RBL2: variants seen among roughly 807,000 people sequenced by gnomAD.
RBL2 encodes the protein retinoblastoma-like protein 2.
In RBL2, 56 loss-of-function variants were observed where a neutral mutation model predicts 126.0. That is an observed-to-expected ratio of 0.44 (90% CI 0.36 to 0.56). RBL2 has a LOEUF of 0.56. Ranked by LOEUF, RBL2 falls within the 20% of genes least tolerant of loss-of-function variation. The probability of loss-of-function intolerance (pLI) is 0.00; values close to 1 mark genes in which losing one functional copy is unlikely to be tolerated. For synonymous variants in RBL2, 454 were observed against 478.5 expected (o/e 0.95, Z 0.67); for missense variants, 1,229 against 1,398.2 (o/e 0.88, Z 1.93).
chr16:53,440,457 A>G (rs1238501423), intron 2 of RBL2, among the ~76,000 whole-genome samples: 1 of 152,214 alleles, frequency 6.6e-6, no homozygotes. Flanking sequence ...ATGAATAAAG[A>G]ACATGACTTC....
intron 2 of RBL2, among the ~76,000 whole-genome samples, chr16:53,439,954 CAAAAAAAAAAA>C (rs10591959): frequency 8.7e-5 from 8 of 91,936 alleles, no homozygotes; most frequent in South Asian, 3.6e-4. Context: ...ACCTTGTCTC[CAAAAAAAAAAA>C]AAAAAAAAAA....
At position 53,479,978 on chromosome 16, in the gene RBL2, A is replaced by G. The variant is rs1960879919; in HGVS notation, c.2868A>G (p.Leu956=). 2 of 1,597,676 alleles carry G rather than the reference A, an allele frequency of 1.3e-6. No homozygotes were observed. Among genetic ancestry groups the G allele is most frequent in the Non-Finnish European group, 1.7e-6 (2 of 1,169,876 alleles). ...SRSHQNSPTE[L]NKDRTSRDSS... ...GCCATCAGAATTCTCCAACAGAACT[A>G]AACAAAGATAGAAGTAAGTGGGATC... is the stretch of plus-strand genomic sequence containing the variant. The change falls in exon 19 of 22, where the codon CTA becomes CTG. Residue 956 remains leucine (L), a synonymous_variant. Transcript: ENST00000262133.
intron 20 of RBL2, chr16:53,481,451 GA>G (rs1960942300): frequency 2.2e-6 from 1 of 458,356 alleles, no homozygotes; most frequent in South Asian, 3.3e-5. Flanking sequence ...AGGATGAAAT[GA>G]CATAATGTAT....
In RBL2 at chr16:53,479,868, C is replaced by G; in HGVS notation, c.2776-18C>G. The G allele has an allele frequency of 1.3e-6, 2 of 1,518,026 alleles. No individual in the cohort carries two copies. The highest frequency in any genetic ancestry group is 1.9e-5 in the Admixed American group (1 of 53,608). The allele number at this position is 1,518,026 out of a possible 1,614,324, so 94.0% of individuals were successfully genotyped here. Reference sequence around the variant, plus strand: ...AACAAATACTAGTTTATGTCCCCTTCTCATTGTTTCTCTAAAGGTGTATAG... The same window carrying G: ...AACAAATACTAGTTTATGTCCCCTTGTCATTGTTTCTCTAAAGGTGTATAG... On this transcript the variant is annotated intron_variant, in intron 18 of 21. Coordinates refer to ENST00000262133, the MANE Select transcript of RBL2 (RefSeq NM_005611.4).
intron 1 of RBL2, chr16:53,435,516 A>C: frequency 8.7e-7 from 1 of 1,143,078 alleles, no homozygotes; most frequent in South Asian, 1.6e-5. Context: ...GCCTTCGGAC[A>C]GGGCTTGCAG....
intron 1 of RBL2, chr16:53,435,588 G>A (rs2153136844): frequency 8.0e-7 from 1 of 1,249,928 alleles, no homozygotes. Context: ...CCCTTCATGG[G>A]CCAATGGGAA....
chr16:53,467,543 A>G (rs1247856655), intron 14 of RBL2, among the ~76,000 whole-genome samples: 1 of 152,070 alleles, frequency 6.6e-6, no homozygotes, highest in Non-Finnish European at 1.5e-5. Context: ...ATGCGCCACC[A>G]CGCCTAGCTA....
intron 1 of RBL2, among the ~76,000 whole-genome samples, chr16:53,436,550 T>C (rs1051626175): frequency 5.9e-5 from 9 of 152,230 alleles, no homozygotes; most frequent in Non-Finnish European, 7.3e-5. Context: ...CCTGCTCTTG[T>C]GGGGCTTACA....
At chr16:53,448,240 C>T (rs768646945) in intron 4 of RBL2, among the ~76,000 whole-genome samples, 54 of 151,776 alleles carry the variant, frequency 3.6e-4, no homozygotes, top group Non-Finnish European at 7.4e-4. Flanking sequence ...CCACTGCAAC[C>T]TCTGCTGCCC....
intron 14 of RBL2, among the ~76,000 whole-genome samples, chr16:53,469,211 TAGAGTAAGACTCTGTCTC>T: frequency 6.6e-6 from 1 of 152,230 alleles, no homozygotes; most frequent in South Asian, 2.1e-4. Flanking sequence ...GCCTGGGTGA[TAGAGTAAGACTCTGTCTC>T]AAAAAATAAA....
At chr16:53,462,425 A>G in intron 10 of RBL2, 127 bp from the exon 11 acceptor site, 3 of 537,384 alleles carry the variant, frequency 5.6e-6, no homozygotes, top group Non-Finnish European at 9.8e-6. Flanking sequence ...ACCAATCATA[A>G]GAAGTGTGCA....
At position 53,469,997 on chromosome 16, in the gene RBL2, A is replaced by C. The variant is rs1360479482; in HGVS notation, c.2057A>C (p.Asn686Thr). The C allele has an allele frequency of 1.2e-6, 2 of 1,614,044 alleles. No individual in the cohort carries two copies. The highest frequency in any genetic ancestry group is 1.3e-5 in the African/African-American group (1 of 74,946). Residue 686 changes from asparagine to threonine, a missense_variant, in exon 15 of 22, where the codon AAT becomes ACT. Around this residue, in one of 2 missense-constraint regions of RBL2, gnomAD observed 1,070 missense variants for 1,274.3 expected, o/e 0.84. Transcript: ENST00000262133. ...ACCAGAAGGCGGCTATTTGTTGAGA[A>C]TGATAGCCCCTCTGATGGAGGGACG... ...STTRRRLFVE[N>T]DSPSDGGTPG...
At position 53,459,532 on chromosome 16, in the gene RBL2, A is replaced by T; in HGVS notation, c.1261A>T (p.Thr421Ser). The T allele has an allele frequency of 6.2e-7, 1 of 1,612,238 alleles. No individual in the cohort carries two copies. Among genetic ancestry groups the T allele is most frequent in the Non-Finnish European group, 8.5e-7 (1 of 1,179,372 alleles). Residue 421 changes from threonine to serine, a missense_variant, in exon 9 of 22, where the codon ACA (threonine) becomes TCA (serine). Transcript: ENST00000262133. Reference protein sequence around the residue: ...ENSPCVTPVSTATHSLSRLHT... With the variant: ...ENSPCVTPVSSATHSLSRLHT... ...TAGCCCTTGTGTGACTCCAGTTTCT[A>T]CAGCTACGCATAGCTTGAGTCGTCT...
At chr16:53,468,068 G>C (rs1340380575) in intron 14 of RBL2, among the ~76,000 whole-genome samples, 1 of 152,172 alleles carries the variant, frequency 6.6e-6, no homozygotes, top group Admixed American at 6.5e-5. Context: ...AGATCTGCAA[G>C]GTGAAAGGTT....
chr16:53,459,834 C>A (rs570820798), intron 9 of RBL2, among the ~76,000 whole-genome samples: 1 of 150,310 alleles, frequency 6.7e-6, no homozygotes, highest in South Asian at 2.1e-4. Context: ...GACACAGTAA[C>A]TAATAACACC....
chr16:53,438,795 G>T lies in RBL2; in HGVS notation c.241-221G>T, dbSNP rs867466697. On this transcript the variant is annotated intron_variant, in intron 1 of 21. Transcript: ENST00000262133. ...GGAGGTGGAGGTTGCAGTGAGCCAA[G>T]ATTGCGCCACTGCACTCCAGCCTGG... is the stretch of plus-strand genomic sequence containing the variant. Among the ~76,000 whole-genome samples the T allele has an allele frequency of 1.7e-4, 20 of 117,348 alleles. No individual in the cohort carries two copies. The South Asian group carries it at 1.7e-3, about 10-fold the overall frequency. 77.0% of individuals were successfully genotyped at this position (117,348 alleles called of 152,430 possible). A position where few individuals can be genotyped will look rare whatever the true frequency, so the allele number is the denominator to read the frequency against.
At position 53,480,619 on chromosome 16, in the gene RBL2, A is replaced by G; in HGVS notation, c.2934A>G (p.Pro978=). The G allele has an allele frequency of 6.2e-7, 1 of 1,614,036 alleles. No homozygotes were observed. Among genetic ancestry groups the G allele is most frequent in the Non-Finnish European group, 8.5e-7 (1 of 1,179,996 alleles). ...VMRSSSTLPV[P]QPSSAPPTPT... The stretch of plus-strand genomic sequence containing the variant: ...GGTCAAGCAGCACCTTGCCAGTTCC[A>G]CAGCCCAGCAGTGCTCCTCCCACAC... Residue 978 remains proline (P), a synonymous_variant, in exon 20 of 22, where the codon CCA becomes CCG. Coordinates refer to ENST00000262133, the MANE Select transcript of RBL2 (RefSeq NM_005611.4).
At chr16:53,451,119 T>C (rs1025190189) in intron 4 of RBL2, among the ~76,000 whole-genome samples, 5 of 152,192 alleles carry the variant, frequency 3.3e-5, no homozygotes, top group Non-Finnish European at 5.9e-5. Flanking sequence ...AATGATAAAG[T>C]TTTATTCAGC....
chr16:53,447,198 G>A (rs2153139762), intron 4 of RBL2, 92 bp downstream of exon 4: 1 of 616,470 alleles, frequency 1.6e-6, no homozygotes, highest in East Asian at 3.3e-5. Flanking sequence ...ATCAGGAAAA[G>A]ATTTTCACTG....
Sources: allele counts gnomAD v4.1 joint callset (sites outside exome capture counted in the v4.1 genomes callset), GRCh38; gene constraint gnomAD v4.1.1; regional missense constraint gnomAD v4.1.1; transcripts MANE v1.5; gene names NCBI Gene and HGNC (gene_info 2026-07-23, HGNC 2026-07-21).